ACSM6: variants seen among roughly 807,000 people sequenced by gnomAD.
ACSM6 encodes the protein acyl-CoA synthetase medium chain family member 6.
A neutral mutation model predicts 51.1 loss-of-function variants in ACSM6; 35 were observed. The observed-to-expected ratio is 0.69, with a 90% confidence interval of 0.52 to 0.91. The LOEUF (loss-of-function observed/expected upper bound fraction) is 0.91, where lower values mean the gene tolerates loss of function less well. ACSM6 is among the 40% of genes least tolerant of loss of function. The pLI is 0.00. For synonymous variants in ACSM6, 172 were observed against 207.3 expected, an observed-to-expected ratio of 0.83 and a Z score of 1.46; for missense variants, 509 against 584.1, an observed-to-expected ratio of 0.87 and a Z score of 1.32.
chr10:95,222,994 T>C (rs181452567), intron 9 of ACSM6, among the ~76,000 whole-genome samples: 2 of 152,284 alleles, frequency 1.3e-5, no homozygotes. Flanking sequence ...GTATAGCTTT[T>C]TGCATGTCAA....
intron 9 of ACSM6, among the ~76,000 whole-genome samples, chr10:95,223,986 T>C (rs955128140): frequency 2.0e-5 from 3 of 152,142 alleles, no homozygotes; most frequent in African/African-American, 7.2e-5. Context: ...AAATTATTAA[T>C]AGTATTTCTA....
chr10:95,209,981 C>T (rs2133381184), intron 4 of ACSM6, among the ~76,000 whole-genome samples: 1 of 152,232 alleles, frequency 6.6e-6, no homozygotes, highest in Non-Finnish European at 1.5e-5. Context: ...AGGACTGCAT[C>T]TTGAAGCCGG....
intron 6 of ACSM6, 25 bp downstream of exon 6, chr10:95,212,059 T>G (rs778230330): frequency 6.2e-6 from 10 of 1,613,474 alleles, no homozygotes; most frequent in Non-Finnish European, 8.5e-6. Flanking sequence ...TAGTGTGGAA[T>G]GTGTGGGACA....
At chr10:95,200,139 C>CATA (rs1255208530) in intron 2 of ACSM6, among the ~76,000 whole-genome samples, 2 of 152,100 alleles carry the variant, frequency 1.3e-5, no homozygotes, top group East Asian at 3.8e-4. Flanking sequence ...AAATGTGGCA[C>CATA]ATAGACACCA....
Position 95,220,863 on chromosome 10 carries a change from TAA to T in ACSM6, c.1200+896_1200+897del, listed in dbSNP as rs1439780084. Among the ~76,000 whole-genome samples the T allele has an allele frequency of 2.7e-5, 4 of 150,296 alleles. No homozygotes were observed. The Admixed American group carries it at 2.7e-4, about 10-fold the overall frequency. On this transcript the variant is annotated intron_variant, in intron 9 of 10. Transcript: ENST00000341686. ...TATTAAATGTGTTTTCTGATCCTAT[TAA>T]AAAGGTAAAATAGTTTTTCTCTATT...
At chr10:95,225,198 G>A (rs1324419886) in intron 9 of ACSM6, 92 bp from the exon 10 acceptor site, 1 of 917,378 alleles carries the variant, frequency 1.1e-6, no homozygotes. Context: ...CTTAAATGGG[G>A]GTAGAAAGGC....
chr10:95,201,117 C>A (rs591171), intron 2 of ACSM6, among the ~76,000 whole-genome samples: 1 of 151,984 alleles, frequency 6.6e-6, no homozygotes, highest in African/African-American at 2.4e-5. Context: ...AGAATCCTAT[C>A]CGCTAGGAGG....
At chr10:95,201,993 C>G in exon 3 of ACSM6, 2 of 1,551,658 alleles carry the variant, frequency 1.3e-6, no homozygotes, top group Non-Finnish European at 8.7e-7. Flanking sequence ...AGGACGGACT[C>G]AGAGGGCCTT....
intron 9 of ACSM6, 30 bp downstream of exon 9, chr10:95,220,001 A>G: frequency 6.5e-7 from 1 of 1,534,768 alleles, no homozygotes; most frequent in South Asian, 1.1e-5. Flanking sequence ...ATTATGACAG[A>G]TATTATTAAG....
rs111243464 is a variant in ACSM6, at chr10:95,209,605, C to T, written c.612-1045C>T. Among the ~76,000 whole-genome samples, 1,220 of 152,148 alleles carry T rather than the reference C, an allele frequency of 8.0e-3. 22 individuals carry two copies. Among genetic ancestry groups the T allele is most frequent in the African/African-American group, 0.028 (1,167 of 41,512 alleles). ...GAAAACAAGCCAGGCAAATGAGGAACTCACCTCAGGCACAAAATGTAAAAG... is the reference window on the plus strand; with the variant it reads ...GAAAACAAGCCAGGCAAATGAGGAATTCACCTCAGGCACAAAATGTAAAAG... On this transcript the variant is annotated intron_variant, in intron 4 of 10. Transcript: ENST00000341686.
intron 1 of ACSM6, 64 bp from the exon 2 acceptor site, chr10:95,194,401 C>T (rs2034704897): frequency 9.5e-6 from 12 of 1,265,480 alleles, no homozygotes; most frequent in Admixed American, 2.2e-5. Context: ...CTCAGCACTA[C>T]AATCTCAGTG....
intron 5 of ACSM6, 112 bp from the exon 6 acceptor site, chr10:95,211,766 T>G: frequency 8.5e-7 from 1 of 1,174,340 alleles, no homozygotes; most frequent in Non-Finnish European, 1.2e-6. Flanking sequence ...CCTGTTTTCA[T>G]TTGTGTGATC....
chr10:95,212,180 T>G, intron 6 of ACSM6, 146 bp downstream of exon 6: 7 of 943,914 alleles, frequency 7.4e-6, no homozygotes, highest in Non-Finnish European at 1.1e-5. Flanking sequence ...TCCCTGCTTG[T>G]GAGAGCAATG....
In ACSM6 at chr10:95,228,635, TTCTA is replaced by T; in HGVS notation, c.1303-6_1303-3del. ...TAAATGTAGGTTTCTGGATTCATCATTCTATCAGGTGAGCTGGGAGGAATATGCT... is the reference window on the plus strand; with the variant it reads ...TAAATGTAGGTTTCTGGATTCATCATTCAGGTGAGCTGGGAGGAATATGCT... On this transcript the variant is annotated splice_polypyrimidine_tract_variant and splice_region_variant and intron_variant, in intron 10 of 10. Transcript: ENST00000341686. The T allele has an allele frequency of 6.5e-7, 1 of 1,550,156 alleles. No individual in the cohort carries two copies.
chr10:95,217,443 GC>G (rs2034958007), intron 8 of ACSM6, among the ~76,000 whole-genome samples: 1 of 151,928 alleles, frequency 6.6e-6, no homozygotes, highest in Admixed American at 6.6e-5. Context: ...TTCCTGAGAA[GC>G]AAAAACACAA....
At chr10:95,220,079 T>A in intron 9 of ACSM6, 108 bp downstream of exon 9, 1 of 807,970 alleles carries the variant, frequency 1.2e-6, no homozygotes, top group Non-Finnish European at 2.0e-6. Flanking sequence ...TCCACCATTC[T>A]CTAAATTCAC....
intron 10 of ACSM6, chr10:95,228,142 G>T (rs1047313244): frequency 6.6e-6 from 1 of 152,282 alleles, no homozygotes; most frequent in Non-Finnish European, 1.5e-5. Flanking sequence ...CTCATGCAAA[G>T]GGAAATTTTC....
chr10:95,215,325 G>T (rs978957757), intron 8 of ACSM6, among the ~76,000 whole-genome samples: 25 of 152,164 alleles, frequency 1.6e-4, no homozygotes, highest in African/African-American at 6.0e-4. Flanking sequence ...GCTGAAAATG[G>T]AAGAAAGAGT....
At chr10:95,208,056 G>A (rs901757206) in intron 4 of ACSM6, among the ~76,000 whole-genome samples, 7 of 151,844 alleles carry the variant, frequency 4.6e-5, no homozygotes, top group African/African-American at 1.2e-4. Context: ...CAGGAGAATC[G>A]CTTGAACTCA....
Sources: gnomAD v4.1 joint callset for allele counts (sites outside exome capture counted in the v4.1 genomes callset) on GRCh38, gnomAD v4.1.1 for gene constraint, MANE v1.5 for transcripts, NCBI Gene and HGNC (gene_info 2026-07-23, HGNC 2026-07-21) for gene names.